The following PRKX variants were observed in gnomAD, a reference collection of about 807,000 sequenced individuals.
PRKX encodes the protein cAMP-dependent protein kinase catalytic subunit PRKX.
In PRKX, 12 loss-of-function variants were observed where a neutral mutation model predicts 22.0. The observed-to-expected ratio is 0.54, with a 90% CI of 0.35 to 0.88. The LOEUF is 0.88. Ranked by LOEUF, PRKX falls within the 40% of genes least tolerant of loss-of-function variation. PRKX has a pLI of 0.01. For missense variants in PRKX, 217 were observed against 308.0 expected (o/e 0.70, Z 2.21); for synonymous variants, 134 against 137.7 (o/e 0.97, Z 0.19).
intron 2 of PRKX, chrX:3,670,146 T>C (rs1169607834): frequency 8.1e-6 from 1 of 123,759 alleles, no homozygotes; most frequent in Non-Finnish European, 1.9e-5. Flanking sequence ...AAACTGCCCG[T>C]ATGGGAAGCA....
At chrX:3,656,498 G>T (rs1927483824) in intron 2 of PRKX, among the ~76,000 whole-genome samples, 1 of 111,404 alleles carries the variant, frequency 9.0e-6, no homozygotes, top group Admixed American at 9.6e-5. Context: ...ATGGGTGGAA[G>T]TAGATGTTAA....
intron 5 of PRKX, among the ~76,000 whole-genome samples, chrX:3,622,592 T>G (rs1347034792): frequency 9.0e-6 from 1 of 110,655 alleles, no homozygotes; most frequent in Middle Eastern, 4.2e-3. Flanking sequence ...ATCGGAAATT[T>G]TACAGTTTCC....
intron 3 of PRKX, among the ~76,000 whole-genome samples, chrX:3,647,055 G>A (rs1378524974): frequency 7.2e-5 from 8 of 111,058 alleles, no homozygotes; most frequent in Non-Finnish European, 1.1e-4. Flanking sequence ...GAAGCTAGGG[G>A]AAAAGGTCTA....
At chrX:3,641,597 A>G in intron 4 of PRKX, 1 of 187,569 alleles carries the variant, frequency 5.3e-6, no homozygotes, top group Non-Finnish European at 9.6e-6. Context: ...TGGATATTTC[A>G]ATATAAAAAT....
intron 2 of PRKX, among the ~76,000 whole-genome samples, chrX:3,660,166 G>C (rs780496764): frequency 1.8e-5 from 2 of 111,925 alleles, no homozygotes; most frequent in Non-Finnish European, 3.8e-5. Flanking sequence ...TGATTTCACT[G>C]TTCTGGTGGG....
intron 1 of PRKX, among the ~76,000 whole-genome samples, chrX:3,678,333 C>T (rs1450332664): frequency 8.9e-6 from 1 of 112,018 alleles, no homozygotes; most frequent in African/African-American, 3.2e-5. Context: ...GTTCCTTCCT[C>T]CTTATTTATC....
chrX:3,703,012 A>G (rs962440525), intron 1 of PRKX, among the ~76,000 whole-genome samples: 5 of 111,062 alleles, frequency 4.5e-5, no homozygotes, highest in African/African-American at 1.7e-4. Context: ...CAAACATATT[A>G]AAGAATGACC....
chrX:3,647,077 A>C (rs1445244851), intron 3 of PRKX, among the ~76,000 whole-genome samples: 2 of 111,113 alleles, frequency 1.8e-5, no homozygotes, highest in Non-Finnish European at 3.8e-5. Context: ...AGTAACTAGA[A>C]AGACTTTTCT....
At chrX:3,680,506 T>A (rs1277900542) in intron 1 of PRKX, among the ~76,000 whole-genome samples, 1 of 110,987 alleles carries the variant, frequency 9.0e-6, no homozygotes. Flanking sequence ...ACACTCCCAA[T>A]AAAGAGCAAA....
intron 4 of PRKX, among the ~76,000 whole-genome samples, chrX:3,628,497 C>T (rs777711160): frequency 1.8e-5 from 2 of 111,437 alleles, no homozygotes; most frequent in South Asian, 3.7e-4. Context: ...CACTGTCTAC[C>T]CCATGAATAT....
At position 3,687,558 on chromosome X, in the gene PRKX, C is replaced by A. The variant is rs1433550787; in HGVS notation, c.167-12792G>T. ...GCTCAAACACAGCTGGCACAACAGTCCCTGAATTAAACACATGCATTGTCC... is the reference window on the plus strand; with the variant it reads ...GCTCAAACACAGCTGGCACAACAGTACCTGAATTAAACACATGCATTGTCC... On this transcript the variant is annotated intron_variant, in intron 1 of 8. Coordinates refer to ENST00000262848, the MANE Select transcript of PRKX (RefSeq NM_005044.5). Among the ~76,000 whole-genome samples, 3 of 111,436 alleles carry A rather than the reference C, an allele frequency of 2.7e-5. No homozygotes were observed. The Admixed American group carries it at 2.9e-4, about 11-fold the overall frequency.
At chrX:3,686,059 C>A (rs1365023757) in intron 1 of PRKX, among the ~76,000 whole-genome samples, 6 of 111,602 alleles carry the variant, frequency 5.4e-5, no homozygotes, top group Non-Finnish European at 1.1e-4. Context: ...ACAACAACAA[C>A]AAAAAGTAAG....
intron 5 of PRKX, among the ~76,000 whole-genome samples, chrX:3,625,195 A>G (rs1926636069): frequency 9.0e-6 from 1 of 111,462 alleles, no homozygotes; most frequent in South Asian, 3.9e-4. Flanking sequence ...AACACAACAC[A>G]TGCTCAAGCC....
intron 2 of PRKX, among the ~76,000 whole-genome samples, chrX:3,671,715 C>T (rs73625733): frequency 0.14 from 15,483 of 110,952 alleles, 1,191 homozygotes; most frequent in African/African-American, 0.29. Context: ...AGGCCAGGCA[C>T]GGTGGCTCAC....
intron 6 of PRKX, among the ~76,000 whole-genome samples, chrX:3,619,268 G>A (rs112460754): frequency 0.074 from 8,247 of 111,480 alleles, 259 homozygotes; most frequent in African/African-American, 0.11. Context: ...AGACTGCAGT[G>A]GTGTGGCCAC....
chrX:3,645,040 C>G (rs779909763), intron 3 of PRKX, among the ~76,000 whole-genome samples: 10 of 111,847 alleles, frequency 8.9e-5, no homozygotes, highest in African/African-American at 3.3e-4. Flanking sequence ...AAAGCCCCAA[C>G]GCCTAGCTGA....
In PRKX at chrX:3,664,798, C is replaced by T. The variant is rs149820365; in HGVS notation, c.336-9386G>A. ...GACACAGAAATGGAAATAACAGATA[C>T]GGGGACTCCCAAAAGGGGAAGGCTG... is the stretch of plus-strand genomic sequence containing the variant. On this transcript the variant is annotated intron_variant, in intron 2 of 8. Coordinates refer to ENST00000262848, the MANE Select transcript of PRKX (RefSeq NM_005044.5). Among the ~76,000 whole-genome samples the T allele has an allele frequency of 5.6e-4, 62 of 111,630 alleles. No homozygotes were observed. The East Asian group carries it at 0.016, about 28-fold the overall frequency.
At chrX:3,664,018 C>T (rs1472615872) in intron 2 of PRKX, among the ~76,000 whole-genome samples, 1 of 111,651 alleles carries the variant, frequency 9.0e-6, no homozygotes, top group Non-Finnish European at 1.9e-5. Flanking sequence ...TCCAAGGAAA[C>T]GTCACCAGGA....
At chrX:3,639,889 G>T (rs1927033957) in intron 4 of PRKX, among the ~76,000 whole-genome samples, 1 of 110,961 alleles carries the variant, frequency 9.0e-6, no homozygotes, top group Non-Finnish European at 1.9e-5. Context: ...CGACTGCCTG[G>T]ATTTCCTGAG....
Sources: gnomAD v4.1 joint callset for allele counts (sites outside exome capture counted in the v4.1 genomes callset) on GRCh38, gnomAD v4.1.1 for gene constraint, MANE v1.5 for transcripts, NCBI Gene and HGNC (gene_info 2026-07-23, HGNC 2026-07-21) for gene names.